Variants in UBAC1 observed in about 807,000 individuals in gnomAD.
UBAC1 encodes ubiquitin-associated domain-containing protein 1.
A neutral mutation model predicts 45.9 loss-of-function variants in UBAC1; 27 were observed. The ratio of observed to expected loss-of-function variants is 0.59; its 90% CI spans 0.43 to 0.81. The LOEUF is 0.81. Ranked by LOEUF, UBAC1 falls within the 30% of genes least tolerant of loss-of-function variation. UBAC1 has a pLI of 0.00. For synonymous variants in UBAC1, 227 were observed against 215.5 expected (o/e 1.05, Z -0.47); for missense variants, 529 against 539.2 (o/e 0.98, Z 0.19).
intron 7 of UBAC1, among the ~76,000 whole-genome samples, chr9:135,941,513 C>T (rs1839269129): frequency 2.0e-5 from 3 of 152,218 alleles, no homozygotes; most frequent in African/African-American, 7.2e-5. Context: ...GAACCCACCG[C>T]ACAATATTTT....
intron 1 of UBAC1, among the ~76,000 whole-genome samples, chr9:135,956,025 C>A (rs192820937): frequency 2.0e-5 from 3 of 152,324 alleles, no homozygotes; most frequent in Non-Finnish European, 2.9e-5. Context: ...CATGCTGCAC[C>A]CCTGGGCGGC....
intron 3 of UBAC1, 69 bp downstream of exon 3, chr9:135,953,611 C>T: frequency 7.0e-7 from 1 of 1,421,818 alleles, no homozygotes; most frequent in Non-Finnish European, 9.8e-7. Flanking sequence ...AGCCACTGTA[C>T]CCAGCCTGTA....
chr9:135,950,447 C>T (rs1180676104), intron 3 of UBAC1, among the ~76,000 whole-genome samples: 3 of 152,204 alleles, frequency 2.0e-5, no homozygotes, highest in Admixed American at 2.0e-4. Flanking sequence ...TTTCCAGAAG[C>T]TTTATCGGCT....
rs541442700 is a variant in UBAC1 at position 135,947,254 on chromosome 9, G to GT, written c.441+543dup. ...ATAACTCACGGGTTCAGATTTGTGT[G>GT]TTTTTTTTTTTCTTGAGACGGAGTT... On this transcript the variant is annotated intron_variant, in intron 4 of 9. Coordinates refer to ENST00000371756, the MANE Select transcript of UBAC1 (RefSeq NM_016172.3). 1.2e-3 allele frequency among the ~76,000 whole-genome samples: 183 copies of GT among 147,846 alleles called. 1 individual carries two copies. Among genetic ancestry groups the GT allele is most frequent in the East Asian group, 9.2e-3 (47 of 5,104 alleles).
chr9:135,952,855 G>A (rs1001075051), intron 3 of UBAC1, among the ~76,000 whole-genome samples: 11 of 152,216 alleles, frequency 7.2e-5, no homozygotes, highest in Admixed American at 4.6e-4. Context: ...TTCAGACTGC[G>A]CTGCATTTCT....
rs919361817 is a variant in UBAC1 at position 135,953,909 on chromosome 9, C to T, written c.260-156G>A. 4 of 437,968 alleles carry T rather than the reference C, an allele frequency of 9.1e-6. No homozygotes were observed. The South Asian group carries it at 1.3e-4, about 14-fold the overall frequency. 27.1% of individuals were successfully genotyped at this position (437,968 alleles called of 1,614,324 possible). ...ATCCCAGCACTTTGGGAGGCTGAGG[C>T]GGGCAAATTACCTGAGGTCAGGTGT... is the stretch of plus-strand genomic sequence containing the variant. On this transcript the variant is annotated intron_variant, in intron 2 of 9. Coordinates refer to ENST00000371756, the MANE Select transcript of UBAC1 (RefSeq NM_016172.3).
Position 135,945,918 on chromosome 9 carries a change from G to A in UBAC1, c.624C>T (p.Asn208=). 1 of 1,614,026 alleles carries A rather than the reference G, an allele frequency of 6.2e-7. No individual in the cohort carries two copies. ...TCAGCTGAAGGGCCTTGGTGGCTCT[G>A]TTCTCCGGAAAGCCCATCTCCGTGA... ...RQLTEMGFPE[N]RATKALQLNH... Residue 208 remains asparagine, a synonymous_variant, in exon 6 of 10, where the codon AAC becomes AAT. Coordinates refer to ENST00000371756, the MANE Select transcript of UBAC1 (RefSeq NM_016172.3).
chr9:135,949,419 G>A (rs922506501), intron 3 of UBAC1, among the ~76,000 whole-genome samples: 5 of 152,252 alleles, frequency 3.3e-5, no homozygotes, highest in East Asian at 1.9e-4. Flanking sequence ...TCAATGTGCC[G>A]GACATAGCAA....
chr9:135,933,569 G>T, intron 9 of UBAC1, 54 bp from the exon 10 acceptor site: 1 of 1,347,896 alleles, frequency 7.4e-7, no homozygotes, highest in Non-Finnish European at 1.1e-6. Context: ...CAGCCCACAG[G>T]CACAGGCGTG....
chr9:135,934,577 A>G (rs1290350647), intron 9 of UBAC1, among the ~76,000 whole-genome samples: 1 of 152,154 alleles, frequency 6.6e-6, no homozygotes, highest in Non-Finnish European at 1.5e-5. Context: ...GGAGAATAGC[A>G]TGAACCAGGG....
intron 9 of UBAC1, among the ~76,000 whole-genome samples, chr9:135,937,268 C>T (rs1839211881): frequency 1.3e-5 from 2 of 151,968 alleles, no homozygotes; most frequent in South Asian, 4.2e-4. Flanking sequence ...ATGGTGAAAG[C>T]CGTCTCTACT....
intron 3 of UBAC1, among the ~76,000 whole-genome samples, chr9:135,950,708 G>A (rs1031319369): frequency 1.3e-5 from 2 of 152,156 alleles, no homozygotes; most frequent in Admixed American, 1.3e-4. Flanking sequence ...TCATTAAGAA[G>A]TCAATAGAGA....
chr9:135,951,383 G>A (rs566218794), intron 3 of UBAC1, among the ~76,000 whole-genome samples: 6 of 152,160 alleles, frequency 3.9e-5, no homozygotes, highest in South Asian at 2.1e-4. Context: ...CCAGCTACTC[G>A]GGAGGCTGAG....
At chr9:135,947,321 G>A (rs554004494) in intron 4 of UBAC1, among the ~76,000 whole-genome samples, 16 of 151,742 alleles carry the variant, frequency 1.1e-4, no homozygotes, top group East Asian at 1.9e-4. Flanking sequence ...ATGCAATCTC[G>A]GCTTACTGCA....
chr9:135,937,966 T>C lies in UBAC1; in HGVS notation c.1102+256A>G, dbSNP rs1839219137. ...CTGGCCCTCGGAAAGCCACTGGCACTGGTTTTCTGAGGCCTATGTCAGGGT... is the reference window on the plus strand; with the variant it reads ...CTGGCCCTCGGAAAGCCACTGGCACCGGTTTTCTGAGGCCTATGTCAGGGT... On this transcript the variant is annotated intron_variant, in intron 9 of 9. Transcript: ENST00000371756. Among the ~76,000 whole-genome samples, 3 of 152,196 alleles carry C rather than the reference T, an allele frequency of 2.0e-5. No individual in the cohort carries two copies. In the South Asian group the frequency reaches 6.2e-4, roughly 32 times the overall value.
chr9:135,937,913 C>T (rs920710990), intron 9 of UBAC1, among the ~76,000 whole-genome samples: 1 of 152,216 alleles, frequency 6.6e-6, no homozygotes, highest in Non-Finnish European at 1.5e-5. Flanking sequence ...CCGTGAGTTC[C>T]TAAGCTGCTG....
At chr9:135,951,973 GTCAGAC>G (rs1839411037) in intron 3 of UBAC1, among the ~76,000 whole-genome samples, 2 of 152,328 alleles carry the variant, frequency 1.3e-5, no homozygotes, top group Middle Eastern at 3.4e-3. Flanking sequence ...CGGGTGTATG[GTCAGAC>G]CCCGCTGTTT....
chr9:135,938,209 A>G lies in UBAC1; in HGVS notation c.1102+13T>C. On this transcript the variant is annotated intron_variant, in intron 9 of 9. Transcript: ENST00000371756. ...CCCCGACCCGAGACTTAGCATAAAG[A>G]AGGCGCACATACCTAGCAATGTTTT... The G allele has an allele frequency of 6.2e-7, 1 of 1,612,940 alleles. No homozygotes were observed. Among genetic ancestry groups the G allele is most frequent in the East Asian group, 2.2e-5 (1 of 44,848 alleles).
intron 8 of UBAC1, among the ~76,000 whole-genome samples, chr9:135,939,003 T>A (rs1588530591): frequency 6.6e-6 from 1 of 151,572 alleles, no homozygotes; most frequent in Admixed American, 6.6e-5. Flanking sequence ...AAGCCAGGAG[T>A]TCAAGATCAG....
Sources: gnomAD v4.1 joint callset for allele counts (sites outside exome capture counted in the v4.1 genomes callset) on GRCh38, gnomAD v4.1.1 for gene constraint, MANE v1.5 for transcripts, NCBI Gene and HGNC (gene_info 2026-07-23, HGNC 2026-07-21) for gene names.